GPANK1: variants seen among roughly 807,000 people sequenced by gnomAD.
The protein encoded by GPANK1 is G-patch domain and ankyrin repeats 1, also known as G patch domain and ankyrin repeat-containing protein 1.
A neutral mutation model predicts 24.0 loss-of-function variants in GPANK1; 22 were observed. That is an observed-to-expected ratio of 0.92 (90% CI 0.66 to 1.31). The LOEUF (loss-of-function observed/expected upper bound fraction) is 1.31. Ranked by LOEUF, GPANK1 falls within the 50% of genes most tolerant of loss-of-function variation. GPANK1 has a pLI of 0.00. For synonymous variants in GPANK1, 174 were observed against 177.4 expected, an observed-to-expected ratio of 0.98 and a Z score of 0.15; for missense variants, 469 against 453.5, an observed-to-expected ratio of 1.03 and a Z score of -0.31.
rs1387401142 is a variant in GPANK1 at position 31,664,523 on chromosome 6, T to G, written c.-45A>C. The G allele has an allele frequency of 6.7e-7, 1 of 1,502,542 alleles. No homozygotes were observed. The highest frequency in any genetic ancestry group is 1.2e-5 in the South Asian group (1 of 83,746). 93.1% of individuals were successfully genotyped at this position (1,502,542 alleles called of 1,614,324 possible). On this transcript the variant is annotated 5_prime_UTR_variant, in exon 2 of 3. Coordinates refer to ENST00000375896, the MANE Select transcript of GPANK1 (RefSeq NM_033177.4). ...AAAATGATACCAGGCAAGGGAAGGA[T>G]GAGACAAGTAAGCCAAGCTCGTGGT...
upstream of GPANK1, chr6:31,665,153 A>T (rs989916698): frequency 1.8e-5 from 8 of 454,146 alleles, no homozygotes; most frequent in African/African-American, 1.6e-4. Context: ...GAACTTTTTC[A>T]ATAGTAAACG....
chr6:31,665,829 T>C (rs1801608910), upstream of GPANK1: 2 of 1,184,014 alleles, frequency 1.7e-6, no homozygotes, highest in South Asian at 2.3e-5. Context: ...CAAAACTGTA[T>C]TGCCCAGACT....
rs1485187065 is a variant in GPANK1, at chr6:31,661,321, C to T, written c.*945G>A. On this transcript the variant is annotated 3_prime_UTR_variant, in exon 3 of 3. Coordinates refer to ENST00000375896, the MANE Select transcript of GPANK1 (RefSeq NM_033177.4). ...TACAAGCTTGATAATCGTGGGCCTT[C>T]CTATCACACTGGCCTCTTCCAGCAA... 6.6e-6 allele frequency: 1 copy of T among 152,250 alleles called. No individual in the cohort carries two copies. The highest frequency in any genetic ancestry group is 1.5e-5 in the Non-Finnish European group (1 of 68,066). 9.4% of individuals were successfully genotyped at this position (152,250 alleles called of 1,614,324 possible).
Position 31,661,355 on chromosome 6 carries a change from C to G in GPANK1, c.*911G>C, listed in dbSNP as rs1800821198. ...CTGGCCTCTTCCAGCAAAACCCTAC[C>G]CATTCTCATCTCTAGAGGCCTTGAC... On this transcript the variant is annotated 3_prime_UTR_variant, in exon 3 of 3. Coordinates refer to ENST00000375896, the MANE Select transcript of GPANK1 (RefSeq NM_033177.4). The G allele has an allele frequency of 2.0e-5, 3 of 152,268 alleles. No individual in the cohort carries two copies. Among genetic ancestry groups the G allele is most frequent in the Admixed American group, 2.0e-4 (3 of 15,276 alleles). 9.4% of individuals were successfully genotyped at this position (152,268 alleles called of 1,614,324 possible).
At position 31,661,981 on chromosome 6, in the gene GPANK1, T is replaced by C. The variant is rs1800917348; in HGVS notation, c.*285A>G. ...ACCCAGATTGGCAGGGAGGTGACCT[T>C]ATCATGCCACCTGGAGAGGCTGCCC... is the stretch of plus-strand genomic sequence containing the variant. On this transcript the variant is annotated 3_prime_UTR_variant, in exon 3 of 3. Coordinates refer to ENST00000375896, the MANE Select transcript of GPANK1 (RefSeq NM_033177.4). 2 of 359,852 alleles carry C rather than the reference T, an allele frequency of 5.6e-6. No individual in the cohort carries two copies. Among genetic ancestry groups the C allele is most frequent in the Non-Finnish European group, 9.9e-6 (2 of 201,770 alleles). 22.3% of individuals were successfully genotyped at this position (359,852 alleles called of 1,614,324 possible).
Position 31,662,435 on chromosome 6 carries a change from G to A in GPANK1, c.902C>T (p.Ala301Val). 1 of 1,612,314 alleles carries A rather than the reference G, an allele frequency of 6.2e-7. No homozygotes were observed. The highest frequency in any genetic ancestry group is 1.1e-5 in the South Asian group (1 of 90,954). The change falls in exon 3 of 3, where the codon GCA becomes GTA. Residue 301 changes from alanine to valine, a missense_variant. Coordinates refer to ENST00000375896, the MANE Select transcript of GPANK1 (RefSeq NM_033177.4). The surrounding 1 kb of genome is among the most constrained non-coding windows in gnomAD (Gnocchi z 5.5). ...RDQEGLGYRSAPQPRVTHFPA... is the reference protein window; with the variant it reads ...RDQEGLGYRSVPQPRVTHFPA... ...GAAATGTGTCACTCGGGGCTGGGGT[G>A]CTGATCTGTAGCCTAGTCCTTCCTG...
At chr6:31,663,811 G>A in intron 2 of GPANK1, 42 bp downstream of exon 2, 18 of 1,524,294 alleles carry the variant, frequency 1.2e-5, no homozygotes, top group Non-Finnish European at 1.6e-5. Context: ...GGGAGAGGCA[G>A]AACACAATGA....
Position 31,662,741 on chromosome 6 carries a change from CAGGGGAAGGAAA to C in GPANK1, c.627-43_627-32del. The C allele has an allele frequency of 7.0e-7, 1 of 1,424,318 alleles. No individual in the cohort carries two copies. The allele number at this position is 1,424,318 out of a possible 1,614,324, so 88.2% of individuals were successfully genotyped here. On this transcript the variant is annotated intron_variant, in intron 2 of 2. Coordinates refer to ENST00000375896, the MANE Select transcript of GPANK1 (RefSeq NM_033177.4). This position sits in a 1 kb window ranked among gnomAD's most constrained non-coding sequence, Gnocchi z 5.5. Reference sequence around the variant, plus strand: ...GAGAAAGAAGAAAAAGCATTAAGGGCAGGGGAAGGAAAAGGGGAAGAGTTGAGGCCTCAGAGG... The same window carrying C: ...GAGAAAGAAGAAAAAGCATTAAGGGCAGGGGAAGAGTTGAGGCCTCAGAGG...
In GPANK1 at chr6:31,661,722, A is replaced by G. The variant is rs707974; in HGVS notation, c.*544T>C. 11,265 of 167,066 alleles carry G rather than the reference A, an allele frequency of 0.067. 534 individuals are homozygous for G. Among genetic ancestry groups the G allele is most frequent in the Middle Eastern group, 0.13 (45 of 338 alleles). 10.3% of individuals were successfully genotyped at this position (167,066 alleles called of 1,614,324 possible). Reference sequence around the variant, plus strand: ...TCTCAAAAAAAAAAGAAAAAAATTGATAACATGGCACTTTCCCTCTCCAGC... The same window carrying G: ...TCTCAAAAAAAAAAGAAAAAAATTGGTAACATGGCACTTTCCCTCTCCAGC... On this transcript the variant is annotated 3_prime_UTR_variant, in exon 3 of 3. Transcript: ENST00000375896.
intron 1 of GPANK1, 43 bp downstream of exon 1, chr6:31,664,795 ACAC>A (rs1250162206): frequency 2.6e-6 from 1 of 379,878 alleles, no homozygotes; most frequent in Admixed American, 4.2e-5. Flanking sequence ...CCAACAATAA[ACAC>A]CAGCCTCTTT....
In GPANK1 at chr6:31,663,912, G is replaced by A; in HGVS notation, c.567C>T (p.Phe189=). The A allele has an allele frequency of 3.7e-6, 6 of 1,611,108 alleles. No individual in the cohort carries two copies. The highest frequency in any genetic ancestry group is 4.2e-6 in the Non-Finnish European group (5 of 1,178,464). The change falls in exon 2 of 3, where the codon TTC becomes TTT. Residue 189 remains phenylalanine (F), a synonymous_variant. Transcript: ENST00000375896. ...CCCTGACCATGCGGGCTACCTCAGG[G>A]AAGCCAGCTTCTTCAGCGAGCTGAG... The part of the protein sequence containing the change: ...DAAQLAEEAG[F]PEVARMVRES...
chr6:31,662,014 C>T lies in GPANK1; in HGVS notation c.*252G>A. On this transcript the variant is annotated 3_prime_UTR_variant, in exon 3 of 3. Coordinates refer to ENST00000375896, the MANE Select transcript of GPANK1 (RefSeq NM_033177.4). This position sits in a 1 kb window ranked among gnomAD's most constrained non-coding sequence, Gnocchi z 5.5. ...CACCTGGAGAGGCTGCCCCTTCTGA[C>T]TCAGGTGGGACTTGCATGTGGCTCC... 2.5e-6 allele frequency: 1 copy of T among 402,622 alleles called. No individual in the cohort carries two copies. Among genetic ancestry groups the T allele is most frequent in the Non-Finnish European group, 4.4e-6 (1 of 228,016 alleles). 24.9% of individuals were successfully genotyped at this position (402,622 alleles called of 1,614,324 possible).
upstream of GPANK1, chr6:31,665,699 G>A: frequency 1.2e-6 from 1 of 806,906 alleles, no homozygotes; most frequent in Non-Finnish European, 1.9e-6. Context: ...GGATAGGCCA[G>A]TCCCCTGGGC....
rs1226457965 is a variant in GPANK1 at position 31,664,841 on chromosome 6, C to G, written c.-100G>C. 1 of 280,606 alleles carries G rather than the reference C, an allele frequency of 3.6e-6. No individual in the cohort carries two copies. Among genetic ancestry groups the G allele is most frequent in the Non-Finnish European group, 6.7e-6 (1 of 149,470 alleles). 17.4% of individuals were successfully genotyped at this position (280,606 alleles called of 1,614,324 possible). ...CACTTTCCCACCCCGTAAGACATAC[C>G]AGTAGGAAAAAAAAATCAGCCTGGC... On this transcript the variant is annotated splice_region_variant and 5_prime_UTR_variant, in exon 1 of 3. Transcript: ENST00000375896.
At chr6:31,663,819 TGA>T (rs1334066429) in intron 2 of GPANK1, 32 bp downstream of exon 2, 1 of 1,526,094 alleles carries the variant, frequency 6.6e-7, no homozygotes, top group African/African-American at 1.4e-5. Context: ...CAGAACACAA[TGA>T]GACATGGGTC....
At position 31,662,149 on chromosome 6, in the gene GPANK1, G is replaced by T; in HGVS notation, c.*117C>A. 1 of 598,120 alleles carries T rather than the reference G, an allele frequency of 1.7e-6. No homozygotes were observed. Among genetic ancestry groups the T allele is most frequent in the South Asian group, 2.8e-5 (1 of 36,198 alleles). 37.1% of individuals were successfully genotyped at this position (598,120 alleles called of 1,614,324 possible). ...GTCTCTCACGAAGACAGAGCCTATT[G>T]ACCAAAAACTTCAGGATCTGCATCT... On this transcript the variant is annotated 3_prime_UTR_variant, in exon 3 of 3. Coordinates refer to ENST00000375896, the MANE Select transcript of GPANK1 (RefSeq NM_033177.4). This position sits in a 1 kb window ranked among gnomAD's most constrained non-coding sequence, Gnocchi z 5.5.
chr6:31,662,587 T>C lies in GPANK1; in HGVS notation c.750A>G (p.Pro250=). 6.2e-7 allele frequency: 1 copy of C among 1,612,176 alleles called. No individual in the cohort carries two copies. Among genetic ancestry groups the C allele is most frequent in the Non-Finnish European group, 8.5e-7 (1 of 1,179,692 alleles). Residue 250 remains proline, a synonymous_variant, in exon 3 of 3, where the codon CCA becomes CCG. Coordinates refer to ENST00000375896, the MANE Select transcript of GPANK1 (RefSeq NM_033177.4). The surrounding 1 kb of genome is among the most constrained non-coding windows in gnomAD (Gnocchi z 5.5). ...CCGGGCTGGAGATGGGCACCCCAAGTGGAAGGTTGGGAGGCTGAGGACCCT... is the reference window on the plus strand; with the variant it reads ...CCGGGCTGGAGATGGGCACCCCAAGCGGAAGGTTGGGAGGCTGAGGACCCT... ...LSQGPQPPNL[P]LGVPISSPGF... is the part of the protein sequence containing the mutation.
At chr6:31,665,203 TCTGTCGGTTGGGGTC>T, upstream of GPANK1, 1 of 533,508 alleles carries the variant, frequency 1.9e-6, no homozygotes, top group East Asian at 3.0e-5. Context: ...AGCACTAGGA[TCTGTCGGTTGGGGTC>T]CTACTTTTAC....
chr6:31,665,828 A>T, upstream of GPANK1: 1 of 1,209,590 alleles, frequency 8.3e-7, no homozygotes. Flanking sequence ...ACAAAACTGT[A>T]TTGCCCAGAC....
Sources: gnomAD v4.1 joint callset for allele counts on GRCh38, gnomAD v4.1.1 for gene constraint, Gnocchi (gnomAD v3.1) non-coding constraint, MANE v1.5 for transcripts, NCBI Gene and HGNC (gene_info 2026-07-23, HGNC 2026-07-21) for gene names.